The following EXOC4 variants were observed in gnomAD, a reference collection of about 807,000 sequenced individuals.
EXOC4 encodes exocyst complex component 4, also known as SEC8-like 1.
In EXOC4, 71 loss-of-function variants were observed where a neutral mutation model predicts 107.2. The observed-to-expected ratio is 0.66, with a 90% confidence interval of 0.55 to 0.81. EXOC4 has a LOEUF of 0.81. Among genes scored for constraint, EXOC4 ranks in the 30% least tolerant of loss-of-function variants. EXOC4 has a pLI of 0.00. For synonymous variants in EXOC4, 456 were observed against 441.2 expected (o/e 1.03, Z -0.42); for missense variants, 1,108 against 1,189.6 (o/e 0.93, Z 1.01).
chr7:133,770,602 A>C (rs563869777), intron 10 of EXOC4, among the ~76,000 whole-genome samples: 1 of 152,050 alleles, frequency 6.6e-6, no homozygotes, highest in East Asian at 1.9e-4. Flanking sequence ...CATCAGGGTA[A>C]ACATACATAT....
chr7:133,465,083 G>C (rs536949687), intron 7 of EXOC4, among the ~76,000 whole-genome samples: 4 of 152,028 alleles, frequency 2.6e-5, no homozygotes, highest in Non-Finnish European at 4.4e-5. Context: ...GCCTCACAAA[G>C]TGTTAGGATT....
At chr7:133,366,158 T>C (rs1796245851) in intron 6 of EXOC4, among the ~76,000 whole-genome samples, 1 of 152,202 alleles carries the variant, frequency 6.6e-6, no homozygotes, top group African/African-American at 2.4e-5. Flanking sequence ...GATAGTCTTA[T>C]CTCACCTTAA....
At chr7:134,012,191 C>T (rs1385219091) in intron 17 of EXOC4, among the ~76,000 whole-genome samples, 2 of 152,084 alleles carry the variant, frequency 1.3e-5, no homozygotes, top group Non-Finnish European at 2.9e-5. Flanking sequence ...AAGAGTGCTA[C>T]ATAATGTGAA....
intron 5 of EXOC4, among the ~76,000 whole-genome samples, chr7:133,334,487 ATGTTCTT>A (rs1563023291): frequency 6.6e-6 from 1 of 151,976 alleles, no homozygotes; most frequent in African/African-American, 2.4e-5. Flanking sequence ...TTATTCTTCA[ATGTTCTT>A]TTTATATCTG....
At chr7:134,092,172 G>A in the EXOC4 span, among the ~76,000 whole-genome samples, 2 of 152,070 alleles carry the variant, frequency 1.3e-5, no homozygotes, top group East Asian at 3.9e-4. Flanking sequence ...GTTGATGAAA[G>A]TGTTCTGGAA....
intron 17 of EXOC4, among the ~76,000 whole-genome samples, chr7:134,025,680 A>G (rs557613893): frequency 3.9e-5 from 6 of 152,304 alleles, no homozygotes; most frequent in Admixed American, 1.3e-4. Context: ...GTTTCTGTGT[A>G]GTCTCAGAGA....
chr7:133,580,403 T>A (rs1314048976), intron 9 of EXOC4, among the ~76,000 whole-genome samples: 2 of 152,186 alleles, frequency 1.3e-5, no homozygotes, highest in Non-Finnish European at 2.9e-5. Flanking sequence ...TATTTTTATT[T>A]TTTTGAGGGA....
In EXOC4 at chr7:133,310,353, A is replaced by T. The variant is rs1167079963; in HGVS notation, c.656+4292A>T. On this transcript the variant is annotated intron_variant, in intron 4 of 17. Transcript: ENST00000253861. ...CCTCAATAGGCACTTGGAAACTGTG[A>T]CTTTAAGTGAAATGAAGCTGTAACT... Among the ~76,000 whole-genome samples the T allele has an allele frequency of 2.0e-5, 3 of 152,158 alleles. No homozygotes were observed. The East Asian group carries it at 5.8e-4, about 29-fold the overall frequency.
intron 1 of EXOC4, among the ~76,000 whole-genome samples, chr7:133,265,532 A>G (rs1793709151): frequency 1.3e-5 from 2 of 152,076 alleles, no homozygotes; most frequent in African/African-American, 4.8e-5. Context: ...TTAGGGGCCC[A>G]TTTTGAGTAC....
intron 7 of EXOC4, among the ~76,000 whole-genome samples, chr7:133,462,571 G>C (rs1339858873): frequency 6.6e-6 from 1 of 152,158 alleles, no homozygotes; most frequent in African/African-American, 2.4e-5. Context: ...CTCCATGCAT[G>C]TAACTCTGAT....
Position 133,854,264 on chromosome 7 carries a change from C to T in EXOC4, c.1734+36720C>T, listed in dbSNP as rs942763093. The stretch of plus-strand genomic sequence containing the variant: ...GAGGCTGGGGTAGAGCTGGGAATGA[C>T]GGACTCTGGGGACTGATGGAGGGCC... On this transcript the variant is annotated intron_variant, in intron 11 of 17. Transcript: ENST00000253861. 5.3e-5 allele frequency among the ~76,000 whole-genome samples: 8 copies of T among 152,202 alleles called. No homozygotes were observed. In the South Asian group the frequency reaches 1.5e-3, roughly 28 times the overall value.
chr7:133,493,031 CTAT>C (rs1292116867), intron 9 of EXOC4, among the ~76,000 whole-genome samples: 2 of 152,140 alleles, frequency 1.3e-5, no homozygotes, highest in African/African-American at 4.8e-5. Flanking sequence ...GTAACTCCTT[CTAT>C]GTGTCACATT....
chr7:133,624,327 T>C (rs1802402896), intron 9 of EXOC4, among the ~76,000 whole-genome samples: 1 of 152,276 alleles, frequency 6.6e-6, no homozygotes, highest in African/African-American at 2.4e-5. Context: ...TAGGGCTGGG[T>C]ACTCCCTACT....
chr7:134,032,262 G>A (rs1402548042), intron 17 of EXOC4, among the ~76,000 whole-genome samples: 1 of 152,190 alleles, frequency 6.6e-6, no homozygotes, highest in Non-Finnish European at 1.5e-5. Flanking sequence ...CATTCAGTGT[G>A]TATTGCCCTA....
intron 11 of EXOC4, among the ~76,000 whole-genome samples, chr7:133,865,643 T>C (rs1461530528): frequency 6.6e-6 from 1 of 152,158 alleles, no homozygotes; most frequent in South Asian, 2.1e-4. Context: ...AGGAAGCATG[T>C]CTGGGAGGCC....
At chr7:133,608,807 A>G (rs182647652) in intron 9 of EXOC4, among the ~76,000 whole-genome samples, 233 of 152,136 alleles carry the variant, frequency 1.5e-3, no homozygotes, top group Non-Finnish European at 2.8e-3. Flanking sequence ...TCGGCCTCTC[A>G]AACTGCTGGG....
intron 1 of EXOC4, among the ~76,000 whole-genome samples, chr7:133,271,738 G>A (rs561955144): frequency 1.3e-5 from 2 of 152,288 alleles, no homozygotes; most frequent in Admixed American, 1.3e-4. Flanking sequence ...CTGCGCTTAC[G>A]CCGCTTGCTG....
intron 4 of EXOC4, among the ~76,000 whole-genome samples, chr7:133,312,949 G>C (rs766298105): frequency 4.0e-5 from 6 of 151,810 alleles, no homozygotes; most frequent in Non-Finnish European, 5.9e-5. Context: ...GATAATACTC[G>C]GTTTAACCTT....
intron 17 of EXOC4, among the ~76,000 whole-genome samples, chr7:134,035,194 C>T (rs1269476757): frequency 2.0e-5 from 3 of 151,572 alleles, no homozygotes; most frequent in African/African-American, 7.3e-5. Context: ...TACAGGCATG[C>T]GCCACCATGC....
Sources: allele counts gnomAD v4.1 joint callset (sites outside exome capture counted in the v4.1 genomes callset), GRCh38; gene constraint gnomAD v4.1.1; transcripts MANE v1.5; gene names NCBI Gene and HGNC (gene_info 2026-07-23, HGNC 2026-07-21).